AKAP13: variants seen among roughly 807,000 people sequenced by gnomAD.
The protein encoded by AKAP13 is A-kinase anchor protein 13.
AKAP13 carries 80 observed loss-of-function variants against 264.5 expected under a neutral mutation model. That is an observed-to-expected ratio of 0.30 (90% CI 0.25 to 0.36). The LOEUF is 0.36. Ranked by LOEUF, AKAP13 falls within the 10% of genes least tolerant of loss-of-function variation. The pLI is 1.00. For missense variants in AKAP13, 3,712 were observed against 3,435.2 expected (o/e 1.08, Z -2.01); for synonymous variants, 1,380 against 1,250.2 (o/e 1.10, Z -2.19).
intron 12 of AKAP13, among the ~76,000 whole-genome samples, chr15:85,659,060 C>T (rs908498642): frequency 1.3e-5 from 2 of 152,128 alleles, no homozygotes; most frequent in Admixed American, 6.6e-5. Context: ...TATTACTAGG[C>T]CACCTGGCAT....
In AKAP13 at chr15:85,677,245, CT is replaced by C. The variant is rs2084274937; in HGVS notation, c.5102-4910del. 5.5e-6 allele frequency: 4 copies of C among 729,802 alleles called. No homozygotes were observed. In the South Asian group the frequency reaches 1.9e-4, roughly 34 times the overall value. 45.2% of individuals were successfully genotyped at this position (729,802 alleles called of 1,614,324 possible). Reference sequence around the variant, plus strand: ...GTAAGTCATTTGTCTTTATGCTTGCCTTTGAGAATTGGTTTGGATAGAACAT... The same window carrying C: ...GTAAGTCATTTGTCTTTATGCTTGCCTTGAGAATTGGTTTGGATAGAACAT... On this transcript the variant is annotated intron_variant, in intron 14 of 36. Transcript: ENST00000394518.
At chr15:85,674,874 A>G (rs561741273) in intron 14 of AKAP13, among the ~76,000 whole-genome samples, 2 of 152,078 alleles carry the variant, frequency 1.3e-5, no homozygotes, top group South Asian at 4.1e-4. Context: ...ATATATATAT[A>G]TATTCTTAGC....
At chr15:85,686,183 G>T (rs1298106440) in intron 16 of AKAP13, among the ~76,000 whole-genome samples, 1 of 43,676 alleles carries the variant, frequency 2.3e-5, no homozygotes, top group Non-Finnish European at 4.0e-5. Flanking sequence ...GTGTGTGCAC[G>T]TGCATGCATG....
At chr15:85,725,827 A>G (rs2087584312) in intron 26 of AKAP13, among the ~76,000 whole-genome samples, 1 of 152,218 alleles carries the variant, frequency 6.6e-6, no homozygotes, top group Non-Finnish European at 1.5e-5. Context: ...GGAGCTGAGG[A>G]AAGAGCCCTA....
intron 10 of AKAP13, among the ~76,000 whole-genome samples, chr15:85,651,320 A>G (rs2082832662): frequency 3.3e-5 from 5 of 152,220 alleles, no homozygotes; most frequent in Admixed American, 3.3e-4. Flanking sequence ...TATTTGCTCT[A>G]TTATGTAACT....
intron 7 of AKAP13, among the ~76,000 whole-genome samples, chr15:85,582,447 A>G (rs984372166): frequency 2.0e-5 from 3 of 152,210 alleles, no homozygotes; most frequent in African/African-American, 7.2e-5. Context: ...TTTTATTCAC[A>G]TGGCTTAATC....
intron 3 of AKAP13, among the ~76,000 whole-genome samples, chr15:85,527,198 C>T (rs375460162): frequency 1.1e-4 from 16 of 152,210 alleles, no homozygotes; most frequent in East Asian, 5.8e-4. Flanking sequence ...CTCCTGACCT[C>T]GTGATCCGCC....
chr15:85,398,512 A>G (rs2071232111), intron 1 of AKAP13, among the ~76,000 whole-genome samples: 1 of 152,224 alleles, frequency 6.6e-6, no homozygotes, highest in Non-Finnish European at 1.5e-5. Context: ...ACTCTTGAGC[A>G]TAAACAGGTT....
intron 1 of AKAP13, among the ~76,000 whole-genome samples, chr15:85,385,751 A>G (rs572999113): frequency 1.3e-5 from 2 of 152,288 alleles, no homozygotes; most frequent in East Asian, 3.9e-4. Flanking sequence ...GAGTTTTTGT[A>G]TATACTTTGG....
At chr15:85,496,864 G>T (rs774989507) in intron 2 of AKAP13, among the ~76,000 whole-genome samples, 2 of 152,200 alleles carry the variant, frequency 1.3e-5, no homozygotes, top group East Asian at 1.9e-4. Context: ...GGGTTCCTCC[G>T]TCTAGCTTTT....
intron 1 of AKAP13, among the ~76,000 whole-genome samples, chr15:85,463,185 A>G (rs543742526): frequency 6.6e-6 from 1 of 152,308 alleles, no homozygotes; most frequent in South Asian, 2.1e-4. Context: ...GAACCTGGAA[A>G]ATGTGGGACA....
chr15:85,529,004 A>C (rs1489985426), intron 3 of AKAP13, among the ~76,000 whole-genome samples: 1 of 152,156 alleles, frequency 6.6e-6, no homozygotes, highest in Non-Finnish European at 1.5e-5. Context: ...CTAACTGAAA[A>C]TCCTGCTATT....
At chr15:85,575,718 GC>G (rs1162399689) in intron 6 of AKAP13, among the ~76,000 whole-genome samples, 2 of 152,140 alleles carry the variant, frequency 1.3e-5, no homozygotes, top group African/African-American at 2.4e-5. Flanking sequence ...TCCTGGCCAG[GC>G]ACAGTGGCTC....
At position 85,556,313 on chromosome 15, in the gene AKAP13, C is replaced by T. The variant is rs77812360; in HGVS notation, c.662+12358C>T. 5.0e-3 allele frequency among the ~76,000 whole-genome samples: 754 copies of T among 152,246 alleles called. 5 individuals carry two copies. The highest frequency in any genetic ancestry group is 6.9e-3 in the Non-Finnish European group (466 of 68,018). ...CTATACTTTTATATGACTGGCAGCACAGTAGGTTTGCTTTCACCAGTATCA... is the reference window on the plus strand; with the variant it reads ...CTATACTTTTATATGACTGGCAGCATAGTAGGTTTGCTTTCACCAGTATCA... On this transcript the variant is annotated intron_variant, in intron 5 of 36. Transcript: ENST00000394518.
intron 3 of AKAP13, among the ~76,000 whole-genome samples, chr15:85,526,581 C>G (rs1660921393): frequency 1.3e-5 from 2 of 152,134 alleles, no homozygotes; most frequent in African/African-American, 4.8e-5. Flanking sequence ...TCTTTCATTT[C>G]TCGTCAACCA....
intron 1 of AKAP13, among the ~76,000 whole-genome samples, chr15:85,391,615 G>C (rs868844942): frequency 1.4e-4 from 21 of 151,018 alleles, no homozygotes; most frequent in African/African-American, 4.6e-4. Flanking sequence ...CTCCCCAGCA[G>C]CTGGGACCAC....
chr15:85,723,204 G>C lies in AKAP13; in HGVS notation c.6629G>C (p.Ser2210Thr). ...AATGAGATTTATACAAAGACAGATA[G>C]CAAGTCAATCATGAGGATGAAGAGT... ...RLNEIYTKTD[S>T]KSIMRMKSGQ... Residue 2210 changes from serine (S) to threonine (T), a missense_variant, in exon 26 of 37, where the codon AGC becomes ACC. Around this residue, in one of 3 missense-constraint regions of AKAP13, gnomAD observed 342 missense variants for 484.3 expected, o/e 0.71. Transcript: ENST00000394518. 1 of 1,614,188 alleles carries C rather than the reference G, an allele frequency of 6.2e-7. No homozygotes were observed. The highest frequency in any genetic ancestry group is 8.5e-7 in the Non-Finnish European group (1 of 1,180,020).
At position 85,710,573 on chromosome 15, in the gene AKAP13, CT is replaced by C. The variant is rs2086585132; in HGVS notation, c.5533-3del. On this transcript the variant is annotated splice_polypyrimidine_tract_variant and splice_region_variant and intron_variant, in intron 18 of 36. Coordinates refer to ENST00000394518, the MANE Select transcript of AKAP13 (RefSeq NM_007200.5). ...TTGTCAATGGACTTACTTTCTTTCT[CT>C]TTAGCAGCCCAAAGGGAGCCTTCAG... is the stretch of plus-strand genomic sequence containing the variant. 2 of 1,613,354 alleles carry C rather than the reference CT, an allele frequency of 1.2e-6. No individual in the cohort carries two copies. Among genetic ancestry groups the C allele is most frequent in the Non-Finnish European group, 1.7e-6 (2 of 1,179,736 alleles).
chr15:85,566,990 A>G lies in AKAP13; in HGVS notation c.663-8141A>G, dbSNP rs972100877. Among the ~76,000 whole-genome samples the G allele has an allele frequency of 3.3e-5, 5 of 152,176 alleles. No individual in the cohort carries two copies. The South Asian group carries it at 8.3e-4, about 25-fold the overall frequency. On this transcript the variant is annotated intron_variant, in intron 5 of 36. Coordinates refer to ENST00000394518, the MANE Select transcript of AKAP13 (RefSeq NM_007200.5). ...TACAAGTAAGGCAAGTAATCATAGTATATTACTTAGATCACCTGTGTACAA... is the reference window on the plus strand; with the variant it reads ...TACAAGTAAGGCAAGTAATCATAGTGTATTACTTAGATCACCTGTGTACAA...
Sources: gnomAD v4.1 joint callset for allele counts (sites outside exome capture counted in the v4.1 genomes callset) on GRCh38, gnomAD v4.1.1 for gene constraint, gnomAD v4.1.1 regional missense constraint, MANE v1.5 for transcripts, NCBI Gene and HGNC (gene_info 2026-07-23, HGNC 2026-07-21) for gene names.